Variants in MAST4 observed in about 807,000 individuals in gnomAD.
The protein encoded by MAST4 is microtubule-associated serine/threonine-protein kinase 4.
MAST4 carries 89 observed loss-of-function variants against 162.7 expected under a neutral mutation model. The observed-to-expected ratio is 0.55, with a 90% CI of 0.46 to 0.65. The LOEUF (loss-of-function observed/expected upper bound fraction) is 0.65, where lower values mean the gene tolerates loss of function less well. Ranked by LOEUF, MAST4 falls within the 30% of genes least tolerant of loss-of-function variation. The pLI, the probability that MAST4 is intolerant of heterozygous loss-of-function variation, is 0.00. For missense variants in MAST4, 3,153 were observed against 3,374.0 expected (o/e 0.93, Z 1.62); for synonymous variants, 1,479 against 1,361.1 (o/e 1.09, Z -1.91).
Position 67,160,572 on chromosome 5 carries a change from G to C in MAST4, c.3765G>C (p.Lys1255Asn). 1 of 1,613,540 alleles carries C rather than the reference G, an allele frequency of 6.2e-7. No individual in the cohort carries two copies. The highest frequency in any genetic ancestry group is 8.5e-7 in the Non-Finnish European group (1 of 1,179,688). Reference sequence around the variant, plus strand: ...TGGTGAGGCGGAGCAAGAAATCCAAGAAGAAAGAAAGTCTCGAAAGGTTAG... The same window carrying C: ...TGGTGAGGCGGAGCAAGAAATCCAACAAGAAAGAAAGTCTCGAAAGGTTAG... ...SRMVRRSKKS[K>N]KKESLERRRS... The change falls in exon 27 of 29, where the codon AAG becomes AAC. Residue 1255 changes from lysine (K) to asparagine (N), a missense_variant. Physicochemically the swap from Lys to Asn is moderately conservative, Grantham distance 94. Around this residue, in one of 7 missense-constraint regions of MAST4, gnomAD observed 619 missense variants for 744.2 expected, o/e 0.83. Transcript: ENST00000403625.
chr5:66,823,288 A>T (rs1198666769), intron 3 of MAST4, among the ~76,000 whole-genome samples: 1 of 152,208 alleles, frequency 6.6e-6, no homozygotes, highest in Non-Finnish European at 1.5e-5. Context: ...ATGAAAATGG[A>T]CTAATACACT....
intron 1 of MAST4, among the ~76,000 whole-genome samples, chr5:66,599,933 G>T (rs2149380519): frequency 6.6e-6 from 1 of 152,148 alleles, no homozygotes; most frequent in South Asian, 2.1e-4. Flanking sequence ...GTGTGTGTGT[G>T]TGTGTGTGTT....
chr5:67,054,538 T>G, intron 5 of MAST4, 46 bp downstream of exon 5: 1 of 1,506,906 alleles, frequency 6.6e-7, no homozygotes, highest in Non-Finnish European at 9.0e-7. Flanking sequence ...TCTTTATTTG[T>G]TGGTTTTTTA....
At chr5:66,755,095 A>G (rs545810047) in intron 1 of MAST4, among the ~76,000 whole-genome samples, 11 of 152,266 alleles carry the variant, frequency 7.2e-5, no homozygotes, top group Admixed American at 5.2e-4. Context: ...TTCTGAGAGG[A>G]TGGAAGCACA....
chr5:66,831,873 G>A (rs1757624312), intron 3 of MAST4, among the ~76,000 whole-genome samples: 1 of 152,184 alleles, frequency 6.6e-6, no homozygotes, highest in African/African-American at 2.4e-5. Context: ...TGGGCAATTT[G>A]AATTTCTAGA....
intron 5 of MAST4, among the ~76,000 whole-genome samples, chr5:67,065,568 T>C (rs1390537952): frequency 6.6e-6 from 1 of 152,166 alleles, no homozygotes; most frequent in East Asian, 1.9e-4. Flanking sequence ...CCCAGTGCCA[T>C]AGACAGAAGG....
intron 4 of MAST4, chr5:67,004,662 G>T (rs529371060): frequency 2.3e-4 from 51 of 223,502 alleles, no homozygotes; most frequent in African/African-American, 1.1e-3. Context: ...CACAGACAGC[G>T]CTTTGAGCAG....
At chr5:67,149,345 T>G in intron 23 of MAST4, 44 bp from the exon 24 acceptor site, 1 of 1,557,510 alleles carries the variant, frequency 6.4e-7, no homozygotes, top group Non-Finnish European at 8.8e-7. Context: ...ACCTCTCCTA[T>G]CCTGGATTTT....
intron 4 of MAST4, among the ~76,000 whole-genome samples, chr5:66,908,088 C>T (rs35094965): frequency 0.033 from 4,986 of 152,156 alleles, 151 homozygotes; most frequent in African/African-American, 0.076. Flanking sequence ...GGCATGTTTA[C>T]ATAAAAAGAG....
intron 1 of MAST4, among the ~76,000 whole-genome samples, chr5:66,695,412 C>T (rs1749334900): frequency 6.6e-6 from 1 of 152,184 alleles, no homozygotes; most frequent in Admixed American, 6.5e-5. Flanking sequence ...GTTTTGGTTA[C>T]TGTTGCCTTG....
chr5:66,891,150 C>G (rs1335028462), intron 3 of MAST4, among the ~76,000 whole-genome samples: 1 of 152,184 alleles, frequency 6.6e-6, no homozygotes, highest in Non-Finnish European at 1.5e-5. Flanking sequence ...CATCCACTTT[C>G]AGATTTGCAT....
At chr5:66,964,484 G>A (rs890250198) in intron 4 of MAST4, among the ~76,000 whole-genome samples, 2 of 151,616 alleles carry the variant, frequency 1.3e-5, no homozygotes, top group South Asian at 2.1e-4. Flanking sequence ...TGTACCCAGC[G>A]TCCCTTTCCC....
At position 66,981,826 on chromosome 5, in the gene MAST4, T is replaced by A. The variant is rs546278932; in HGVS notation, c.675-72578T>A. Among the ~76,000 whole-genome samples, 17 of 152,302 alleles carry A rather than the reference T, an allele frequency of 1.1e-4. No homozygotes were observed. The South Asian group carries it at 3.5e-3, about 32-fold the overall frequency. Reference sequence around the variant, plus strand: ...TTCTGGAGGAGCATTAAAAACTCAGTGTCTCTGCCAAGATCAGTTGGCTCA... The same window carrying A: ...TTCTGGAGGAGCATTAAAAACTCAGAGTCTCTGCCAAGATCAGTTGGCTCA... On this transcript the variant is annotated intron_variant, in intron 4 of 28. Coordinates refer to ENST00000403625, the MANE Select transcript of MAST4 (RefSeq NM_001164664.2).
intron 4 of MAST4, among the ~76,000 whole-genome samples, chr5:66,970,896 C>T (rs950439655): frequency 1.3e-5 from 2 of 152,180 alleles, no homozygotes; most frequent in African/African-American, 2.4e-5. Flanking sequence ...TGCCCAGATG[C>T]GGATTGATGT....
At chr5:66,713,594 T>C (rs1184210521) in intron 1 of MAST4, among the ~76,000 whole-genome samples, 1 of 152,240 alleles carries the variant, frequency 6.6e-6, no homozygotes, top group Non-Finnish European at 1.5e-5. Flanking sequence ...CCGTTGCATT[T>C]CTTCTTCAAT....
In MAST4 at chr5:66,970,082, C is replaced by G. The variant is rs556828847; in HGVS notation, c.674+70100C>G. Among the ~76,000 whole-genome samples, 7 of 152,262 alleles carry G rather than the reference C, an allele frequency of 4.6e-5. No homozygotes were observed. In the East Asian group the frequency reaches 1.4e-3, roughly 29 times the overall value. ...AAGCAGAGATGAGCCTGATTATGAA[C>G]ACGGTGCCAGCCCTGTGGGTGTGGG... On this transcript the variant is annotated intron_variant, in intron 4 of 28. Transcript: ENST00000403625.
intron 1 of MAST4, among the ~76,000 whole-genome samples, chr5:66,686,325 C>CTAT (rs146782861): frequency 0.024 from 3,689 of 151,948 alleles, 153 homozygotes; most frequent in African/African-American, 0.085. Flanking sequence ...GTAGTTATTA[C>CTAT]TATTATTATT....
chr5:66,844,470 A>G (rs1163075844), intron 3 of MAST4, among the ~76,000 whole-genome samples: 1 of 152,064 alleles, frequency 6.6e-6, no homozygotes, highest in African/African-American at 2.4e-5. Flanking sequence ...CTTGTGATCT[A>G]CGGGAAGTGT....
intron 1 of MAST4, among the ~76,000 whole-genome samples, chr5:66,754,441 C>G (rs931421215): frequency 1.3e-5 from 2 of 152,156 alleles, no homozygotes; most frequent in Admixed American, 6.5e-5. Context: ...TTTCAAAATA[C>G]TAGAGACTCA....
Sources: gnomAD v4.1 joint callset for allele counts (sites outside exome capture counted in the v4.1 genomes callset) on GRCh38, gnomAD v4.1.1 for gene constraint, gnomAD v4.1.1 regional missense constraint, MANE v1.5 for transcripts, NCBI Gene and HGNC (gene_info 2026-07-23, HGNC 2026-07-21) for gene names.